BCL9L: variants seen among roughly 807,000 people sequenced by gnomAD.
BCL9L encodes B-cell CLL/lymphoma 9-like protein.
BCL9L carries 19 observed loss-of-function variants against 99.4 expected under a neutral mutation model. The ratio of observed to expected loss-of-function variants is 0.19; its 90% CI spans 0.13 to 0.28. BCL9L has a LOEUF of 0.28. Among genes scored for constraint, BCL9L ranks in the 10% least tolerant of loss-of-function variants. The probability of loss-of-function intolerance (pLI) is 1.00; values close to 1 mark genes in which losing one functional copy is unlikely to be tolerated. For synonymous variants in BCL9L, 900 were observed against 854.8 expected (o/e 1.05, Z -0.92); for missense variants, 2,023 against 2,101.6 (o/e 0.96, Z 0.73).
intron 2 of BCL9L, among the ~76,000 whole-genome samples, chr11:118,911,629 C>G (rs1418750775): frequency 6.6e-6 from 1 of 152,256 alleles, no homozygotes; most frequent in Non-Finnish European, 1.5e-5. Flanking sequence ...CTCGCTGATT[C>G]TCAAAAGGAT....
rs1941149073 is a variant in BCL9L at position 118,921,802 on chromosome 11, C to A, written c.-130-2923G>T. On this transcript the variant is annotated intron_variant, in intron 1 of 9. Transcript: ENST00000683865. This position sits in a 1 kb window ranked among gnomAD's most constrained non-coding sequence, Gnocchi z 5.4. ...TTCCCCTACTCCTGGGCAGTGGTGA[C>A]CACCTTCTCCCCTCCAGAGTGGCAC... 6.6e-6 allele frequency among the ~76,000 whole-genome samples: 1 copy of A among 152,062 alleles called. No individual in the cohort carries two copies. The highest frequency in any genetic ancestry group is 1.5e-5 in the Non-Finnish European group (1 of 67,986).
chr11:118,897,801 C>G lies in BCL9L; in HGVS notation c.*614G>C, dbSNP rs1382151005. Reference sequence around the variant, plus strand: ...TCTATCAAAACACAGAAATACAGCACACGCACAAACCAGCACAAAAGCGCA... The same window carrying G: ...TCTATCAAAACACAGAAATACAGCAGACGCACAAACCAGCACAAAAGCGCA... On this transcript the variant is annotated 3_prime_UTR_variant, in exon 10 of 10. Transcript: ENST00000683865. The G allele has an allele frequency of 2.2e-6, 1 of 456,080 alleles. No homozygotes were observed. The highest frequency in any genetic ancestry group is 2.4e-5 in the Admixed American group (1 of 42,476). The allele number at this position is 456,080 out of a possible 1,614,324, so 28.3% of individuals were successfully genotyped here.
Position 118,898,309 on chromosome 11 carries a change from C to CCCCAA in BCL9L, c.*105_*106insTTGGG. 1.6e-6 allele frequency: 1 copy of CCCCAA among 635,098 alleles called. No homozygotes were observed. The highest frequency in any genetic ancestry group is 2.4e-6 in the Non-Finnish European group (1 of 414,506). The allele number at this position is 635,098 out of a possible 1,614,324, so 39.3% of individuals were successfully genotyped here. ...CCCTACACAAGCCCCCTCCCACCCC[C>CCCCAA]TCCACCCCACCCCGCGACCCAGGCC... On this transcript the variant is annotated 3_prime_UTR_variant, in exon 10 of 10. Coordinates refer to ENST00000683865, the MANE Select transcript of BCL9L (RefSeq NM_001378213.1).
intron 2 of BCL9L, chr11:118,911,242 G>A: frequency 4.4e-6 from 2 of 455,962 alleles, no homozygotes; most frequent in Middle Eastern, 3.5e-4. Context: ...TCAAAGGGGA[G>A]GAGTCTTGGG....
rs769369435 is a variant in BCL9L at position 118,902,448 on chromosome 11, T to G, written c.1295A>C (p.Lys432Thr). The change falls in exon 8 of 10, where the codon AAG becomes ACG. Residue 432 changes from lysine to threonine, a missense_variant. Lys to Thr is a moderately conservative substitution (Grantham distance 78). Transcript: ENST00000683865. The surrounding 1 kb of genome is among the most constrained non-coding windows in gnomAD (Gnocchi z 7.8). ...LRSGETEPFL[K>T]GPPGGAGEGG... Reference sequence around the variant, plus strand: ...CTCACCCGCTCCTCCTGGGGGCCCCTTGAGGAAGGGCTCAGTCTCTCCGCT... The same window carrying G: ...CTCACCCGCTCCTCCTGGGGGCCCCGTGAGGAAGGGCTCAGTCTCTCCGCT... The G allele has an allele frequency of 6.3e-7, 1 of 1,599,816 alleles. No individual in the cohort carries two copies. Among genetic ancestry groups the G allele is most frequent in the African/African-American group, 1.3e-5 (1 of 74,640 alleles).
intron 4 of BCL9L, 51 bp from the exon 5 acceptor site, chr11:118,907,653 C>A: frequency 6.2e-7 from 1 of 1,600,272 alleles, no homozygotes; most frequent in Non-Finnish European, 8.5e-7. Context: ...CCCCATTATT[C>A]TCCCACACCC....
rs747584239 is a variant in BCL9L, at chr11:118,898,649, G to C, written c.4266C>G (p.Ser1422=). ...VPHGLHQGVM[S]PPQGLMTQQN... ...GCTGGGTCATGAGGCCTTGTGGAGG[G>C]GACATGACCCCCTGGTGCAGGCCAT... The change falls in exon 10 of 10, where the codon TCC becomes TCG. Residue 1422 remains serine (S), a synonymous_variant. Coordinates refer to ENST00000683865, the MANE Select transcript of BCL9L (RefSeq NM_001378213.1). 2 of 1,612,068 alleles carry C rather than the reference G, an allele frequency of 1.2e-6. No homozygotes were observed. Among genetic ancestry groups the C allele is most frequent in the Non-Finnish European group, 8.5e-7 (1 of 1,179,396 alleles).
Position 118,921,549 on chromosome 11 carries a change from C to A in BCL9L, c.-130-2670G>T, listed in dbSNP as rs55664900. 6.6e-5 allele frequency among the ~76,000 whole-genome samples: 10 copies of A among 152,108 alleles called. No individual in the cohort carries two copies. The highest frequency in any genetic ancestry group is 9.6e-5 in the African/African-American group (4 of 41,478). On this transcript the variant is annotated intron_variant, in intron 1 of 9. Coordinates refer to ENST00000683865, the MANE Select transcript of BCL9L (RefSeq NM_001378213.1). The surrounding 1 kb of genome is among the most constrained non-coding windows in gnomAD (Gnocchi z 5.4). ...GACGGGCCAGCCCAGGGCTACCAGT[C>A]CATTGGAGGAGGAACGGGAACGGAC...
At chr11:118,923,577 T>C (rs1795912015) in intron 1 of BCL9L, among the ~76,000 whole-genome samples, 1 of 152,130 alleles carries the variant, frequency 6.6e-6, no homozygotes. Flanking sequence ...TGAACCTCCA[T>C]ATGGGCCTCC....
At chr11:118,924,179 C>G (rs1941221524) in intron 1 of BCL9L, among the ~76,000 whole-genome samples, 1 of 152,070 alleles carries the variant, frequency 6.6e-6, no homozygotes, top group Admixed American at 6.6e-5. Context: ...ATACAGGGCA[C>G]AGTCAGCTTT....
rs140932698 is a variant in BCL9L, at chr11:118,906,933, C to A, written c.532+550G>T. On this transcript the variant is annotated intron_variant, in intron 5 of 9. Transcript: ENST00000683865. ...GGCAGGGGTTACATCTGGCTCTCCC[C>A]CATCACTCATGGAAGGACAAGATAT... Among the ~76,000 whole-genome samples the A allele has an allele frequency of 6.0e-3, 913 of 152,324 alleles. 5 individuals are homozygous for A. The highest frequency in any genetic ancestry group is 0.021 in the African/African-American group (873 of 41,550).
At chr11:118,919,289 G>A (rs1398841576) in intron 1 of BCL9L, among the ~76,000 whole-genome samples, 1 of 151,652 alleles carries the variant, frequency 6.6e-6, no homozygotes, top group East Asian at 1.9e-4. Flanking sequence ...GGGATGGGGA[G>A]GTTGGAGGAC....
intron 4 of BCL9L, among the ~76,000 whole-genome samples, chr11:118,907,870 G>A (rs1247845973): frequency 1.3e-5 from 2 of 152,222 alleles, no homozygotes; most frequent in African/African-American, 2.4e-5. Flanking sequence ...AGGGCTGGAG[G>A]GGAGGGGGAG....
Position 118,903,124 on chromosome 11 carries a change from C to A in BCL9L, c.750-50G>T. On this transcript the variant is annotated intron_variant, in intron 6 of 9. Transcript: ENST00000683865. This position sits in a 1 kb window ranked among gnomAD's most constrained non-coding sequence, Gnocchi z 5.6. Reference sequence around the variant, plus strand: ...GCTCAGAGAGGTGAGCAGGAGGGAGCCCCACCCTCACCCACCCCACCCTGC... The same window carrying A: ...GCTCAGAGAGGTGAGCAGGAGGGAGACCCACCCTCACCCACCCCACCCTGC... The A allele has an allele frequency of 6.5e-7, 1 of 1,548,064 alleles. No homozygotes were observed.
Position 118,902,457 on chromosome 11 carries a change from G to A in BCL9L, c.1286C>T (p.Pro429Leu). ...RLLLRSGETE[P>L]FLKGPPGGAG... ...TCCTCCTGGGGGCCCCTTGAGGAAG[G>A]GCTCAGTCTCTCCGCTGCGGAGCAG... The change falls in exon 8 of 10, where the codon CCC becomes CTC. Residue 429 changes from proline to leucine, a missense_variant. Transcript: ENST00000683865. This position sits in a 1 kb window ranked among gnomAD's most constrained non-coding sequence, Gnocchi z 7.8. The A allele has an allele frequency of 1.9e-6, 3 of 1,606,004 alleles. No homozygotes were observed. The highest frequency in any genetic ancestry group is 2.5e-6 in the Non-Finnish European group (3 of 1,176,890).
rs997510640 is a variant in BCL9L at position 118,921,255 on chromosome 11, G to GACAC, written c.-130-2380_-130-2377dup. Among the ~76,000 whole-genome samples the GACAC allele has an allele frequency of 1.3e-5, 2 of 151,796 alleles. No homozygotes were observed. The highest frequency in any genetic ancestry group is 4.8e-5 in the African/African-American group (2 of 41,288). On this transcript the variant is annotated intron_variant, in intron 1 of 9. Coordinates refer to ENST00000683865, the MANE Select transcript of BCL9L (RefSeq NM_001378213.1). The surrounding 1 kb of genome is among the most constrained non-coding windows in gnomAD (Gnocchi z 5.4). ...CCGACAGAAGATACACCCACACTGA[G>GACAC]ACACACACACACACAAACTTATACA...
chr11:118,907,410 AGGCTCAGTCCT>A, intron 5 of BCL9L, 62 bp downstream of exon 5: 1 of 1,608,210 alleles, frequency 6.2e-7, no homozygotes, highest in Non-Finnish European at 8.5e-7. Context: ...CTTCTTTCCC[AGGCTCAGTCCT>A]CTCAAGTCCA....
intron 4 of BCL9L, among the ~76,000 whole-genome samples, chr11:118,907,942 G>A (rs1180774571): frequency 2.6e-5 from 4 of 152,184 alleles, no homozygotes; most frequent in Non-Finnish European, 5.9e-5. Flanking sequence ...GCCGGGATAC[G>A]GAGGCTCCTG....
Position 118,903,386 on chromosome 11 carries a change from G to A in BCL9L, c.599C>T (p.Pro200Leu), listed in dbSNP as rs1248708518. Residue 200 changes from proline to leucine, a missense_variant, in exon 6 of 10, where the codon CCC becomes CTC. Pro to Leu is a moderately conservative substitution (Grantham distance 98). Transcript: ENST00000683865. This position sits in a 1 kb window ranked among gnomAD's most constrained non-coding sequence, Gnocchi z 5.6. Reference sequence around the variant, plus strand: ...GCCTGGCACGCTGCTCTCGCTGAGGGGCAGTTGGGTGGTTTGGCCGGGACC... The same window carrying A: ...GCCTGGCACGCTGCTCTCGCTGAGGAGCAGTTGGGTGGTTTGGCCGGGACC... ...QLGPGQTTQL[P>L]LSESSVPGAP... The A allele has an allele frequency of 2.5e-6, 4 of 1,611,782 alleles. No homozygotes were observed. Among genetic ancestry groups the A allele is most frequent in the Admixed American group, 1.7e-5 (1 of 59,824 alleles).
Sources: gnomAD v4.1 joint callset for allele counts (sites outside exome capture counted in the v4.1 genomes callset) on GRCh38, gnomAD v4.1.1 for gene constraint, Gnocchi (gnomAD v3.1) non-coding constraint, MANE v1.5 for transcripts, NCBI Gene and HGNC (gene_info 2026-07-23, HGNC 2026-07-21) for gene names.